HECW1: variants seen among roughly 807,000 people sequenced by gnomAD.
HECW1 encodes E3 ubiquitin-protein ligase HECW1.
Under a neutral mutation model 182.3 loss-of-function variants are expected in HECW1, and 61 were observed. That is an observed-to-expected ratio of 0.33 (90% CI 0.27 to 0.41). The LOEUF is 0.41. HECW1 is among the 10% of genes least tolerant of loss of function. The pLI, the probability that HECW1 is intolerant of heterozygous loss-of-function variation, is 1.00. For missense variants in HECW1, 1,739 were observed against 2,108.9 expected, an observed-to-expected ratio of 0.82 and a Z score of 3.44; for synonymous variants, 859 against 832.6, an observed-to-expected ratio of 1.03 and a Z score of -0.55.
intron 2 of HECW1, among the ~76,000 whole-genome samples, chr7:43,141,531 CTGT>C (rs1033397127): frequency 5.3e-5 from 8 of 151,898 alleles, no homozygotes; most frequent in Admixed American, 5.2e-4. Flanking sequence ...CAGAGTTTCG[CTGT>C]TGTTGCCCAG....
At chr7:43,497,944 T>C (rs1481828517) in intron 19 of HECW1, among the ~76,000 whole-genome samples, 2 of 152,200 alleles carry the variant, frequency 1.3e-5, no homozygotes, top group Non-Finnish European at 2.9e-5. Context: ...AATGTCAAGA[T>C]GTCAAGGAGG....
intron 8 of HECW1, among the ~76,000 whole-genome samples, chr7:43,416,440 G>T (rs1220613893): frequency 6.6e-6 from 1 of 151,358 alleles, no homozygotes; most frequent in Non-Finnish European, 1.5e-5. Flanking sequence ...AAAGCTGTCA[G>T]ACAGGGACAT....
chr7:43,125,365 C>A, intron 2 of HECW1, among the ~76,000 whole-genome samples: 1 of 152,148 alleles, frequency 6.6e-6, no homozygotes. Flanking sequence ...GGGCTTGGCA[C>A]CTCCTGACTT....
chr7:43,514,652 C>A (rs1585152750), intron 24 of HECW1, among the ~76,000 whole-genome samples: 1 of 152,130 alleles, frequency 6.6e-6, no homozygotes, highest in East Asian at 1.9e-4. Flanking sequence ...TGATGAGGCA[C>A]TCATATGCTA....
chr7:43,488,980 C>G (rs186643615), intron 17 of HECW1, among the ~76,000 whole-genome samples: 2 of 152,202 alleles, frequency 1.3e-5, no homozygotes, highest in Admixed American at 1.3e-4. Context: ...CAGCTTTACC[C>G]GTGAGTGGGT....
At chr7:43,278,167 G>T (rs1341001291) in intron 3 of HECW1, among the ~76,000 whole-genome samples, 1 of 152,036 alleles carries the variant, frequency 6.6e-6, no homozygotes, top group Non-Finnish European at 1.5e-5. Flanking sequence ...CTTCAACTGG[G>T]ATGTCTTATA....
chr7:43,179,152 G>A (rs1792549062), intron 2 of HECW1, among the ~76,000 whole-genome samples: 2 of 152,194 alleles, frequency 1.3e-5, no homozygotes, highest in African/African-American at 4.8e-5. Flanking sequence ...AAAGGCACAG[G>A]TTCTTGCTTT....
intron 3 of HECW1, among the ~76,000 whole-genome samples, chr7:43,287,436 G>T (rs1804792380): frequency 6.6e-6 from 1 of 151,804 alleles, no homozygotes; most frequent in Non-Finnish European, 1.5e-5. Flanking sequence ...GGAAAAGGAG[G>T]CAATGGTGGG....
At chr7:43,314,823 T>C (rs1313415802) in intron 4 of HECW1, among the ~76,000 whole-genome samples, 5 of 152,252 alleles carry the variant, frequency 3.3e-5, no homozygotes, top group African/African-American at 1.2e-4. Context: ...TTCCACATTT[T>C]CCGTGCTTTG....
At chr7:43,500,863 T>C in intron 20 of HECW1, 81 bp downstream of exon 20, 1 of 1,191,810 alleles carries the variant, frequency 8.4e-7, no homozygotes, top group Non-Finnish European at 1.3e-6. Flanking sequence ...GAAAATGGCC[T>C]AGACTGAAAA....
chr7:43,361,018 C>G, intron 6 of HECW1, 38 bp downstream of exon 6: 1 of 1,405,814 alleles, frequency 7.1e-7, no homozygotes, highest in Non-Finnish European at 9.9e-7. Context: ...AGACCTAACT[C>G]TGGTCTTTCT....
At chr7:43,259,508 A>T (rs1048357199) in intron 3 of HECW1, among the ~76,000 whole-genome samples, 2 of 152,236 alleles carry the variant, frequency 1.3e-5, no homozygotes, top group Non-Finnish European at 2.9e-5. Flanking sequence ...GATGGATCAG[A>T]TACTGGAACT....
intron 2 of HECW1, among the ~76,000 whole-genome samples, chr7:43,237,119 A>G (rs1240277160): frequency 1.3e-5 from 2 of 148,404 alleles, no homozygotes; most frequent in African/African-American, 5.0e-5. Context: ...AGAAAGAAAA[A>G]AAGAAGGAAG....
intron 8 of HECW1, among the ~76,000 whole-genome samples, chr7:43,408,590 G>A (rs181961805): frequency 4.6e-5 from 7 of 152,134 alleles, no homozygotes; most frequent in East Asian, 1.9e-4. Context: ...AGAGGCTGAT[G>A]TGGGAGGACT....
At chr7:43,500,946 C>T (rs902553493) in intron 20 of HECW1, among the ~76,000 whole-genome samples, 164 bp downstream of exon 20, 1 of 152,216 alleles carries the variant, frequency 6.6e-6, no homozygotes, top group Non-Finnish European at 1.5e-5. Flanking sequence ...CTGTGTCCAT[C>T]ACAGTCCTTA....
At chr7:43,461,197 C>T (rs1427861105) in intron 13 of HECW1, among the ~76,000 whole-genome samples, 1 of 152,302 alleles carries the variant, frequency 6.6e-6, no homozygotes, top group Middle Eastern at 3.4e-3. Flanking sequence ...CTCCTAGTTG[C>T]AGTCAGAGGG....
intron 4 of HECW1, among the ~76,000 whole-genome samples, chr7:43,317,809 TTGTGTGTGTGTGTGTG>T (rs3032881): frequency 8.4e-5 from 12 of 142,508 alleles, no homozygotes; most frequent in Admixed American, 5.0e-4. Context: ...TTTCTCATTA[TTGTGTGTGTGTGTGTG>T]TGTGTGTGTG....
intron 2 of HECW1, among the ~76,000 whole-genome samples, chr7:43,170,356 C>T (rs543921505): frequency 2.6e-5 from 4 of 152,134 alleles, no homozygotes; most frequent in African/African-American, 7.2e-5. Context: ...AAATCATCCT[C>T]CCCCACCCCT....
intron 24 of HECW1, among the ~76,000 whole-genome samples, chr7:43,521,257 A>T (rs1040832516): frequency 1.6e-4 from 24 of 152,210 alleles, no homozygotes; most frequent in Non-Finnish European, 3.2e-4. Context: ...CCCTTATAAA[A>T]GGCCTTGAGA....
Sources: gnomAD v4.1 joint callset for allele counts (sites outside exome capture counted in the v4.1 genomes callset) on GRCh38, gnomAD v4.1.1 for gene constraint, MANE v1.5 for transcripts, NCBI Gene and HGNC (gene_info 2026-07-23, HGNC 2026-07-21) for gene names.